Variants in CDC42EP4 observed in about 807,000 individuals in gnomAD.
CDC42EP4 encodes the protein CDC42 effector protein 4, also known as CDC42 effector protein (Rho GTPase binding) 4.
CDC42EP4 carries 6 observed loss-of-function variants against 5.6 expected under a neutral mutation model. That is an observed-to-expected ratio of 1.07 (90% confidence interval 0.59 to 2.12). CDC42EP4 has a LOEUF of 2.12. Among genes scored for constraint, CDC42EP4 ranks in the 30% most tolerant of loss-of-function variants. CDC42EP4 has a pLI of 0.00. For synonymous variants in CDC42EP4, 230 were observed against 224.2 expected, an observed-to-expected ratio of 1.03 and a Z score of -0.23; for missense variants, 490 against 508.6, an observed-to-expected ratio of 0.96 and a Z score of 0.35.
At chr17:73,289,812 GAGAA>G (rs145827722) in intron 1 of CDC42EP4, among the ~76,000 whole-genome samples, 26,352 of 137,492 alleles carry the variant, frequency 0.19, 2,639 homozygotes, top group East Asian at 0.28. Flanking sequence ...AAAAGAAAGA[GAGAA>G]AGAAAAAGAA....
At position 73,296,950 on chromosome 17, in the gene CDC42EP4, T is replaced by C. The variant is rs1295608406; in HGVS notation, c.-112-10338A>G. Reference sequence around the variant, plus strand: ...GAGCCGAGATAGCGCCACTGCAGTCTGGCCTGGGCGAAAGAGCAAGACTCC... The same window carrying C: ...GAGCCGAGATAGCGCCACTGCAGTCCGGCCTGGGCGAAAGAGCAAGACTCC... On this transcript the variant is annotated intron_variant, in intron 1 of 1. Coordinates refer to ENST00000335793, the MANE Select transcript of CDC42EP4 (RefSeq NM_012121.5). 6.2e-3 allele frequency among the ~76,000 whole-genome samples: 608 copies of C among 98,540 alleles called. 3 individuals carry two copies. The Middle Eastern group carries it at 0.13, about 21-fold the overall frequency. The allele number at this position is 98,540 out of a possible 152,430, so 64.6% of individuals were successfully genotyped here.
chr17:73,299,369 G>A (rs1810878465), intron 1 of CDC42EP4, among the ~76,000 whole-genome samples: 1 of 107,556 alleles, frequency 9.3e-6, no homozygotes, highest in Non-Finnish European at 1.9e-5. Flanking sequence ...GGCGGAGCTT[G>A]CAGTGAGCCG....
intron 1 of CDC42EP4, among the ~76,000 whole-genome samples, chr17:73,308,884 A>C (rs1294213398): frequency 6.6e-6 from 1 of 151,704 alleles, no homozygotes; most frequent in Non-Finnish European, 1.5e-5. Flanking sequence ...AAATACAAAA[A>C]AAAATTAGCC....
chr17:73,297,001 A>AAAACAC (rs547362762), intron 1 of CDC42EP4, among the ~76,000 whole-genome samples: 881 of 61,764 alleles, frequency 0.014, 194 homozygotes, highest in African/African-American at 0.044. Flanking sequence ...AAAAAAAAAA[A>AAAACAC]AAATACACAA....
intron 1 of CDC42EP4, among the ~76,000 whole-genome samples, chr17:73,303,303 C>G (rs1263327301): frequency 6.6e-6 from 1 of 151,758 alleles, no homozygotes; most frequent in Non-Finnish European, 1.5e-5. Context: ...AGATCGCACC[C>G]TTACACTCCA....
chr17:73,304,106 C>T (rs553069311), intron 1 of CDC42EP4, among the ~76,000 whole-genome samples: 1 of 152,272 alleles, frequency 6.6e-6, no homozygotes, highest in South Asian at 2.1e-4. Context: ...TATTCTAGAC[C>T]CTACCTAACC....
chr17:73,289,757 G>A lies in CDC42EP4; in HGVS notation c.-112-3145C>T, dbSNP rs61067211. Among the ~76,000 whole-genome samples the A allele has an allele frequency of 1.3e-3, 168 of 129,362 alleles. 1 individual carries two copies. The highest frequency in any genetic ancestry group is 4.8e-3 in the African/African-American group (165 of 34,400). 84.9% of individuals were successfully genotyped at this position (129,362 alleles called of 152,430 possible). The stretch of plus-strand genomic sequence containing the variant: ...AGGGAGGGAGGAAGGGAGGGAGGAA[G>A]GGAGGGGAAGGAAAGGAAGGAAGGA... On this transcript the variant is annotated intron_variant, in intron 1 of 1. Transcript: ENST00000335793.
At chr17:73,305,617 C>A (rs373154302) in intron 1 of CDC42EP4, among the ~76,000 whole-genome samples, 1 of 152,234 alleles carries the variant, frequency 6.6e-6, no homozygotes, top group African/African-American at 2.4e-5. Flanking sequence ...CACAAGGTGG[C>A]CTGCCACGTG....
intron 1 of CDC42EP4, among the ~76,000 whole-genome samples, chr17:73,308,297 G>GAT (rs1473536736): frequency 8.5e-5 from 13 of 152,158 alleles, no homozygotes; most frequent in African/African-American, 3.1e-4. Flanking sequence ...CCAGTACGTA[G>GAT]GTCAGAAGAG....
At chr17:73,302,376 T>TA (rs1281750030) in intron 1 of CDC42EP4, among the ~76,000 whole-genome samples, 1 of 152,334 alleles carries the variant, frequency 6.6e-6, no homozygotes, top group African/African-American at 2.4e-5. Context: ...TTCTGGCACT[T>TA]ACAGTGATAT....
At chr17:73,289,798 GAAA>G (rs1046000312) in intron 1 of CDC42EP4, among the ~76,000 whole-genome samples, 1 of 130,300 alleles carries the variant, frequency 7.7e-6, no homozygotes, top group Non-Finnish European at 1.6e-5. Flanking sequence ...AATAAGGAAA[GAAA>G]AAAAGAAAGA....
At position 73,285,286 on chromosome 17, in the gene CDC42EP4, G is replaced by T; in HGVS notation, c.*144C>A. ...CTCCGAAGACCCGAGGGCCAGGCCA[G>T]TGTCCCTCATCTACAAGGTCCAGGG... is the stretch of plus-strand genomic sequence containing the variant. On this transcript the variant is annotated 3_prime_UTR_variant, in exon 2 of 2. Coordinates refer to ENST00000335793, the MANE Select transcript of CDC42EP4 (RefSeq NM_012121.5). The surrounding 1 kb of genome is among the most constrained non-coding windows in gnomAD (Gnocchi z 6.8). 1 of 650,024 alleles carries T rather than the reference G, an allele frequency of 1.5e-6. No homozygotes were observed. The highest frequency in any genetic ancestry group is 2.4e-5 in the South Asian group (1 of 40,940). The allele number at this position is 650,024 out of a possible 1,614,324, so 40.3% of individuals were successfully genotyped here.
chr17:73,303,780 G>T (rs2062231468), intron 1 of CDC42EP4, among the ~76,000 whole-genome samples: 1 of 152,086 alleles, frequency 6.6e-6, no homozygotes, highest in South Asian at 2.1e-4. Context: ...CATCATCCTA[G>T]GGCTAGTCCC....
intron 1 of CDC42EP4, among the ~76,000 whole-genome samples, chr17:73,292,816 C>G (rs761496585): frequency 2.6e-5 from 4 of 152,214 alleles, no homozygotes; most frequent in Admixed American, 6.5e-5. Context: ...CCCTCCCTAC[C>G]AGGCCACATA....
chr17:73,287,140 G>A (rs1028422928), intron 1 of CDC42EP4, among the ~76,000 whole-genome samples: 5 of 152,156 alleles, frequency 3.3e-5, no homozygotes, highest in Non-Finnish European at 7.4e-5. Flanking sequence ...AGGACAGGAC[G>A]GGCTCAGGGA....
At chr17:73,300,917 C>T (rs900245368) in intron 1 of CDC42EP4, among the ~76,000 whole-genome samples, 6 of 151,826 alleles carry the variant, frequency 4.0e-5, no homozygotes, top group South Asian at 2.1e-4. Context: ...TGGTGGCGTG[C>T]GCCTGTAATC....
chr17:73,293,007 C>G (rs904021255), intron 1 of CDC42EP4, among the ~76,000 whole-genome samples: 1 of 152,110 alleles, frequency 6.6e-6, no homozygotes, highest in African/African-American at 2.4e-5. Context: ...AGCCACTGCT[C>G]CTGGCCGATT....
At chr17:73,305,084 A>C (rs1362988526) in intron 1 of CDC42EP4, among the ~76,000 whole-genome samples, 3 of 152,210 alleles carry the variant, frequency 2.0e-5, no homozygotes, top group Admixed American at 2.0e-4. Context: ...AGCACAGAGA[A>C]GGGAAGAAAA....
intron 1 of CDC42EP4, among the ~76,000 whole-genome samples, chr17:73,288,883 G>C (rs1348135176): frequency 1.3e-5 from 2 of 152,222 alleles, no homozygotes; most frequent in African/African-American, 2.4e-5. Flanking sequence ...GGGCAGGGAG[G>C]GGGAGCCAGG....
Sources: gnomAD v4.1 joint callset for allele counts (sites outside exome capture counted in the v4.1 genomes callset) on GRCh38, gnomAD v4.1.1 for gene constraint, Gnocchi (gnomAD v3.1) non-coding constraint, MANE v1.5 for transcripts, NCBI Gene and HGNC (gene_info 2026-07-23, HGNC 2026-07-21) for gene names.